The following RAB6B variants were observed in gnomAD, a reference collection of about 807,000 sequenced individuals.
RAB6B encodes the protein RAB6B, member RAS oncogene family, also known as ras-related protein Rab-6B.
In RAB6B, 7 loss-of-function variants were observed where a neutral mutation model predicts 31.2. The observed-to-expected ratio is 0.22, with a 90% CI of 0.13 to 0.42. The LOEUF is 0.42. RAB6B is among the 10% of genes least tolerant of loss of function. RAB6B has a pLI of 1.00. For synonymous variants in RAB6B, 105 were observed against 104.9 expected (o/e 1.00, Z -0.01); for missense variants, 149 against 280.6 (o/e 0.53, Z 3.35).
At chr3:133,880,397 C>G (rs780421929) in intron 1 of RAB6B, among the ~76,000 whole-genome samples, 1 of 152,220 alleles carries the variant, frequency 6.6e-6, no homozygotes. Context: ...GTCAGAAGGT[C>G]TGTGACAAGG....
chr3:133,850,610 T>A (rs1158013626), intron 2 of RAB6B, among the ~76,000 whole-genome samples: 1 of 151,776 alleles, frequency 6.6e-6, no homozygotes, highest in African/African-American at 2.4e-5. Context: ...ATATAAATTA[T>A]CCAAAAGGAA....
intron 1 of RAB6B, among the ~76,000 whole-genome samples, chr3:133,880,024 C>T (rs562586830): frequency 6.6e-6 from 1 of 152,188 alleles, no homozygotes. Context: ...ACAGGCCAAT[C>T]CTGCCTGTGC....
intron 2 of RAB6B, among the ~76,000 whole-genome samples, chr3:133,855,781 G>A (rs944064156): frequency 6.6e-6 from 1 of 152,218 alleles, no homozygotes; most frequent in African/African-American, 2.4e-5. Context: ...CTTATTAAAT[G>A]TATCAGGAGC....
intron 2 of RAB6B, among the ~76,000 whole-genome samples, chr3:133,847,810 C>T (rs1935926330): frequency 1.3e-5 from 2 of 152,224 alleles, no homozygotes; most frequent in Non-Finnish European, 2.9e-5. Context: ...CATTCCTCTT[C>T]TATGGCATTT....
intron 2 of RAB6B, among the ~76,000 whole-genome samples, chr3:133,858,354 T>G (rs1025056215): frequency 6.6e-6 from 1 of 152,236 alleles, no homozygotes; most frequent in Non-Finnish European, 1.5e-5. Flanking sequence ...TCTTAACATG[T>G]TTTTAAAGGA....
At chr3:133,834,717 AC>A in intron 6 of RAB6B, 76 bp from the exon 7 acceptor site, 1 of 1,364,812 alleles carries the variant, frequency 7.3e-7, no homozygotes, top group Non-Finnish European at 1.0e-6. Context: ...CTGCACCCTC[AC>A]CCCTCTTCCC....
At position 133,825,762 on chromosome 3, in the gene RAB6B, T is replaced by A. The variant is rs1935551911; in HGVS notation, c.*3026A>T. 1 of 152,048 alleles carries A rather than the reference T, an allele frequency of 6.6e-6. No individual in the cohort carries two copies. Among genetic ancestry groups the A allele is most frequent in the South Asian group, 2.1e-4 (1 of 4,814 alleles). 9.4% of individuals were successfully genotyped at this position (152,048 alleles called of 1,614,324 possible). On this transcript the variant is annotated 3_prime_UTR_variant, in exon 8 of 8. Coordinates refer to ENST00000285208, the MANE Select transcript of RAB6B (RefSeq NM_016577.4). ...AGATTCACCCCCTTCACTCCCACCA[T>A]CCCCAAAAAAGAAGGCCAAGAGGAT...
At chr3:133,860,857 C>A (rs1040444179) in intron 2 of RAB6B, among the ~76,000 whole-genome samples, 3 of 152,192 alleles carry the variant, frequency 2.0e-5, no homozygotes, top group African/African-American at 7.2e-5. Context: ...TGGTGTGAGG[C>A]CCAGGGACAA....
At chr3:133,888,140 G>A (rs775831037) in intron 1 of RAB6B, among the ~76,000 whole-genome samples, 2 of 152,228 alleles carry the variant, frequency 1.3e-5, no homozygotes, top group Non-Finnish European at 2.9e-5. Context: ...GCCAGAAGCT[G>A]CCTTTGAGGC....
chr3:133,828,635 TCCCTC>T lies in RAB6B; in HGVS notation c.*148_*152del. ...GTGATGTGATCCCTGATGCCCAGCC[TCCCTC>T]CCCATCCCACCCTACTCCTAAAGAC... On this transcript the variant is annotated 3_prime_UTR_variant, in exon 8 of 8. Transcript: ENST00000285208. The T allele has an allele frequency of 1.4e-6, 1 of 725,726 alleles. No homozygotes were observed. Among genetic ancestry groups the T allele is most frequent in the Non-Finnish European group, 2.5e-6 (1 of 407,234 alleles). The allele number at this position is 725,726 out of a possible 1,614,324, so 45.0% of individuals were successfully genotyped here. A position where few individuals can be genotyped will look rare whatever the true frequency, so the allele number is the denominator to read the frequency against.
At chr3:133,837,347 C>T (rs190601530) in intron 6 of RAB6B, among the ~76,000 whole-genome samples, 22 of 152,226 alleles carry the variant, frequency 1.4e-4, no homozygotes, top group Middle Eastern at 3.4e-3. Context: ...CATTGAACAG[C>T]GAGAACTAGC....
At chr3:133,857,103 GTTTCAC>G (rs1450646582) in intron 2 of RAB6B, among the ~76,000 whole-genome samples, 1 of 152,090 alleles carries the variant, frequency 6.6e-6, no homozygotes, top group Admixed American at 6.5e-5. Flanking sequence ...GTTGTCATTT[GTTTCAC>G]TTTATCACTA....
In RAB6B at chr3:133,835,573, G is replaced by A. The variant is rs145977448; in HGVS notation, c.496-932C>T. On this transcript the variant is annotated intron_variant, in intron 6 of 7. Transcript: ENST00000285208. ...GGGGTGCTGGCAGAGATGGAATCTT[G>A]GAGGTGACAGGTACGAGGCAGAAGT... is the stretch of plus-strand genomic sequence containing the variant. Among the ~76,000 whole-genome samples the A allele has an allele frequency of 5.0e-3, 757 of 151,970 alleles. 1 individual carries two copies. The highest frequency in any genetic ancestry group is 7.4e-3 in the Non-Finnish European group (504 of 67,930).
chr3:133,833,253 C>A (rs901785234), intron 7 of RAB6B, among the ~76,000 whole-genome samples: 7 of 152,126 alleles, frequency 4.6e-5, no homozygotes, highest in Admixed American at 4.6e-4. Context: ...TACTGAGAGC[C>A]GTGGGGTGCC....
chr3:133,863,349 T>C (rs532522547), intron 2 of RAB6B, among the ~76,000 whole-genome samples: 3 of 152,242 alleles, frequency 2.0e-5, no homozygotes, highest in South Asian at 2.1e-4. Flanking sequence ...AGGAGGATAA[T>C]TGGTCCAGAG....
chr3:133,847,841 G>A (rs1163711467), intron 2 of RAB6B, among the ~76,000 whole-genome samples: 1 of 152,078 alleles, frequency 6.6e-6, no homozygotes, highest in African/African-American at 2.4e-5. Context: ...TGCTTTCCAC[G>A]ACTTTACTTG....
chr3:133,895,417 A>G lies in RAB6B; in HGVS notation c.50T>C (p.Val17Ala). The G allele has an allele frequency of 6.2e-7, 1 of 1,611,426 alleles. No homozygotes were observed. Among genetic ancestry groups the G allele is most frequent in the Non-Finnish European group, 8.5e-7 (1 of 1,178,930 alleles). Residue 17 changes from valine (V) to alanine (A), a missense_variant, in exon 1 of 8, where the codon GTG (valine) becomes GCG (alanine). By Grantham distance (64) the Val-to-Ala change is moderately conservative. Around this residue, in one of 2 missense-constraint regions of RAB6B, gnomAD observed 75 missense variants for 180.1 expected, o/e 0.42. Coordinates refer to ENST00000285208, the MANE Select transcript of RAB6B (RefSeq NM_016577.4). ...FGNPLRKFKLVFLGEQSVGKT... is the reference protein window; with the variant it reads ...FGNPLRKFKLAFLGEQSVGKT... ...CTTACCGCTCTGCTCCCCCAAGAAC[A>G]CCAACTTGAATTTTCTCAGTGGATT...
At chr3:133,858,383 C>T (rs924219388) in intron 2 of RAB6B, among the ~76,000 whole-genome samples, 3 of 152,180 alleles carry the variant, frequency 2.0e-5, no homozygotes, top group African/African-American at 7.2e-5. Flanking sequence ...GTATTTGTTT[C>T]CTAGGCCTGC....
At chr3:133,886,774 A>T (rs964862502) in intron 1 of RAB6B, among the ~76,000 whole-genome samples, 6 of 152,224 alleles carry the variant, frequency 3.9e-5, no homozygotes, top group Non-Finnish European at 8.8e-5. Flanking sequence ...GAGGAGATGG[A>T]GATTGCTGTT....
Sources: gnomAD v4.1 joint callset for allele counts (sites outside exome capture counted in the v4.1 genomes callset) on GRCh38, gnomAD v4.1.1 for gene constraint, gnomAD v4.1.1 regional missense constraint, MANE v1.5 for transcripts, NCBI Gene and HGNC (gene_info 2026-07-23, HGNC 2026-07-21) for gene names.